Variants in BRCC3 observed in about 807,000 individuals in gnomAD.
BRCC3 encodes the protein lys-63-specific deubiquitinase BRCC36.
BRCC3 carries 15 observed loss-of-function variants against 28.0 expected under a neutral mutation model. The observed-to-expected ratio is 0.54, with a 90% CI of 0.36 to 0.82. BRCC3 has a LOEUF of 0.82. Among genes scored for constraint, BRCC3 ranks in the 40% least tolerant of loss-of-function variants. BRCC3 has a pLI of 0.01. For synonymous variants in BRCC3, 66 were observed against 80.3 expected, an observed-to-expected ratio of 0.82 and a Z score of 0.95; for missense variants, 109 against 225.9, an observed-to-expected ratio of 0.48 and a Z score of 3.32.
intron 7 of BRCC3, among the ~76,000 whole-genome samples, chrX:155,094,024 T>C (rs2074193019): frequency 8.9e-6 from 1 of 111,983 alleles, no homozygotes; most frequent in Non-Finnish European, 1.9e-5. Flanking sequence ...TTGCCTTCTG[T>C]TTTTTACAGT....
chrX:155,109,045 C>T (rs1557297830), intron 7 of BRCC3, among the ~76,000 whole-genome samples: 2 of 111,196 alleles, frequency 1.8e-5, no homozygotes, highest in Non-Finnish European at 3.8e-5. Context: ...TTGACATTCC[C>T]TTTTTCCCAC....
intron 3 of BRCC3, 71 bp downstream of exon 3, chrX:155,073,502 A>G: frequency 4.6e-6 from 5 of 1,079,214 alleles, no homozygotes; most frequent in Non-Finnish European, 6.3e-6. Flanking sequence ...CAGTGATCTC[A>G]GCCAGAGTAT....
intron 7 of BRCC3, among the ~76,000 whole-genome samples, chrX:155,105,910 G>A (rs782306245): frequency 2.5e-4 from 28 of 111,740 alleles, no homozygotes; most frequent in African/African-American, 9.1e-4. Context: ...TGTTGCCCAA[G>A]CTGGTCTCGA....
At chrX:155,088,170 G>A (rs964289122) in intron 5 of BRCC3, among the ~76,000 whole-genome samples, 49 of 111,655 alleles carry the variant, frequency 4.4e-4, no homozygotes, top group Admixed American at 1.2e-3. Context: ...TTGGGGAGAA[G>A]TCAAAATCTA....
At chrX:155,074,056 C>G (rs1431988327) in intron 3 of BRCC3, among the ~76,000 whole-genome samples, 3 of 111,993 alleles carry the variant, frequency 2.7e-5, no homozygotes, top group African/African-American at 9.7e-5. Flanking sequence ...CTTATTACTA[C>G]TAGTTACAAA....
rs1347985905 is a variant in BRCC3, at chrX:155,122,396, AG to A, written c.*1194del. 8.9e-6 allele frequency: 1 copy of A among 112,320 alleles called. No individual in the cohort carries two copies. The highest frequency in any genetic ancestry group is 1.9e-5 in the Non-Finnish European group (1 of 53,268). The allele number at this position is 112,320 out of a possible 1,213,427, so 9.3% of individuals were successfully genotyped here. On this transcript the variant is annotated 3_prime_UTR_variant, in exon 11 of 11. Transcript: ENST00000330045. The stretch of plus-strand genomic sequence containing the variant: ...ACTGGATATTTTATACATTGCTGAC[AG>A]GAATGTAAAATGGTACAGCCACTCT...
intron 7 of BRCC3, among the ~76,000 whole-genome samples, chrX:155,094,069 T>G (rs1448853436): frequency 9.0e-6 from 1 of 111,606 alleles, no homozygotes; most frequent in Non-Finnish European, 1.9e-5. Context: ...TTTTGTTTAA[T>G]TTTTAAAATC....
In BRCC3 at chrX:155,075,369, T is replaced by C. The variant is rs1557293451; in HGVS notation, c.196-1801T>C. Among the ~76,000 whole-genome samples, 23 of 59,938 alleles carry C rather than the reference T, an allele frequency of 3.8e-4. 1 individual carries two copies. Among genetic ancestry groups the C allele is most frequent in the Admixed American group, 3.4e-3 (20 of 5,856 alleles). The allele number at this position is 59,938 out of a possible 115,157, so 52.0% of individuals were successfully genotyped here. On this transcript the variant is annotated intron_variant, in intron 3 of 10. Coordinates refer to ENST00000330045, the MANE Select transcript of BRCC3 (RefSeq NM_001018055.3). ...CAGGCCAAGACCTCTGCTCCCTTTC[T>C]CCACACCTTTTTTGTCCACTCATAA...
chrX:155,083,294 G>T (rs2074097259), intron 5 of BRCC3, among the ~76,000 whole-genome samples: 1 of 112,120 alleles, frequency 8.9e-6, no homozygotes, highest in Non-Finnish European at 1.9e-5. Context: ...TTTTGCAAAG[G>T]CAAACCCTTT....
intron 8 of BRCC3, 102 bp from the exon 9 acceptor site, chrX:155,116,609 C>CTACATAT (rs1323782700): frequency 2.2e-6 from 1 of 462,104 alleles, no homozygotes; most frequent in Admixed American, 4.0e-5. Context: ...GATTTAAATA[C>CTACATAT]TACATATTCA....
At chrX:155,082,923 G>A (rs5986905) in intron 5 of BRCC3, among the ~76,000 whole-genome samples, 219 of 110,988 alleles carry the variant, frequency 2.0e-3, no homozygotes, top group African/African-American at 4.9e-3. Flanking sequence ...TTCCTCTTTC[G>A]TGACATAGAC....
chrX:155,107,320 A>T (rs781861929), intron 7 of BRCC3, among the ~76,000 whole-genome samples: 7 of 104,403 alleles, frequency 6.7e-5, no homozygotes, highest in Non-Finnish European at 9.9e-5. Context: ...ATTTTTATTT[A>T]TTTTTTTTTT....
At chrX:155,118,330 C>T (rs1344273290) in intron 9 of BRCC3, among the ~76,000 whole-genome samples, 1 of 111,612 alleles carries the variant, frequency 9.0e-6, no homozygotes, top group Non-Finnish European at 1.9e-5. Context: ...AGGCTACATA[C>T]TCCATGGTTC....
chrX:155,102,978 C>T (rs2074256314), intron 7 of BRCC3, among the ~76,000 whole-genome samples: 1 of 110,805 alleles, frequency 9.0e-6, no homozygotes, highest in African/African-American at 3.3e-5. Flanking sequence ...TAATCAGAAA[C>T]ATCTCCAGAC....
At chrX:155,094,194 CCAGCTCTTTTGTT>C (rs1398172229) in intron 7 of BRCC3, among the ~76,000 whole-genome samples, 1 of 110,931 alleles carries the variant, frequency 9.0e-6, no homozygotes, top group Admixed American at 9.6e-5. Flanking sequence ...AGGTTGGGAG[CCAGCTCTTTTGTT>C]CAGGTATCAC....
chrX:155,087,197 G>T (rs781964197), intron 5 of BRCC3, among the ~76,000 whole-genome samples: 1 of 112,021 alleles, frequency 8.9e-6, no homozygotes, highest in Non-Finnish European at 1.9e-5. Context: ...ATGCTCAGAG[G>T]GGGTACATCC....
In BRCC3 at chrX:155,075,283, C is replaced by T. The variant is rs1201802807; in HGVS notation, c.195+1852C>T. Reference sequence around the variant, plus strand: ...CTTCAACATCTGATAATGCTAAGCCCACTCTTTCCCCTGGCCCTTCTTGTT... The same window carrying T: ...CTTCAACATCTGATAATGCTAAGCCTACTCTTTCCCCTGGCCCTTCTTGTT... On this transcript the variant is annotated intron_variant, in intron 3 of 10. Coordinates refer to ENST00000330045, the MANE Select transcript of BRCC3 (RefSeq NM_001018055.3). Among the ~76,000 whole-genome samples, 4 of 50,001 alleles carry T rather than the reference C, an allele frequency of 8.0e-5. No individual in the cohort carries two copies. In the African/African-American group the frequency reaches 2.6e-3, roughly 32 times the overall value. The allele number at this position is 50,001 out of a possible 115,157, so 43.4% of individuals were successfully genotyped here.
chrX:155,116,020 AG>A, intron 7 of BRCC3, 36 bp from the exon 8 acceptor site: 1 of 1,189,937 alleles, frequency 8.4e-7, no homozygotes, highest in Non-Finnish European at 1.1e-6. Context: ...ATAACAACTC[AG>A]GGTTTAAAAA....
chrX:155,084,461 C>T lies in BRCC3; in HGVS notation c.404-4802C>T, dbSNP rs186008907. 4.5e-5 allele frequency among the ~76,000 whole-genome samples: 5 copies of T among 111,407 alleles called. No homozygotes were observed. In the East Asian group the frequency reaches 8.5e-4, roughly 19 times the overall value. The stretch of plus-strand genomic sequence containing the variant: ...CACTGCAAGCTCCGCCTCCCAGGTT[C>T]GCGCCATTCTCCTGCCTCAGCCTCC... On this transcript the variant is annotated intron_variant, in intron 5 of 10. Coordinates refer to ENST00000330045, the MANE Select transcript of BRCC3 (RefSeq NM_001018055.3).
Sources: gnomAD v4.1 joint callset for allele counts (sites outside exome capture counted in the v4.1 genomes callset) on GRCh38, gnomAD v4.1.1 for gene constraint, MANE v1.5 for transcripts, NCBI Gene and HGNC (gene_info 2026-07-23, HGNC 2026-07-21) for gene names.